Variants in NCKAP5 observed in about 807,000 individuals in gnomAD.
NCKAP5 encodes the protein nck-associated protein 5.
NCKAP5 carries 92 observed loss-of-function variants against 167.0 expected under a neutral mutation model. That is an observed-to-expected ratio of 0.55 (90% CI 0.47 to 0.66). The LOEUF is 0.66. NCKAP5 is among the 30% of genes least tolerant of loss of function. The probability of loss-of-function intolerance (pLI) is 0.00; values close to 1 mark genes in which losing one functional copy is unlikely to be tolerated. For missense variants in NCKAP5, 2,378 were observed against 2,315.0 expected (o/e 1.03, Z -0.56); for synonymous variants, 891 against 877.4 (o/e 1.02, Z -0.27).
chr2:132,863,883 C>G (rs1358935171), intron 10 of NCKAP5, among the ~76,000 whole-genome samples: 1 of 152,218 alleles, frequency 6.6e-6, no homozygotes, highest in Non-Finnish European at 1.5e-5. Flanking sequence ...TAAACACAAT[C>G]AGAATGGATA....
chr2:132,782,158 T>C lies in NCKAP5; in HGVS notation c.4653A>G (p.Arg1551=), dbSNP rs776944799. The part of the protein sequence containing the change: ...GFGNRQLKSE[R]KKEKKKPELQ... ...GTTCAGGCTTCTTTTTCTCTTTTTT[T>C]CTTTCTGATTTTAGTTGTCTGTTTC... Residue 1551 remains arginine, a synonymous_variant, in exon 14 of 20, where the codon AGA becomes AGG. Coordinates refer to ENST00000409261, the MANE Select transcript of NCKAP5 (RefSeq NM_207363.3). The C allele has an allele frequency of 3.0e-5, 49 of 1,609,262 alleles. No individual in the cohort carries two copies. The South Asian group carries it at 3.6e-4, about 12-fold the overall frequency.
chr2:132,895,825 A>C (rs1000616002), intron 8 of NCKAP5, among the ~76,000 whole-genome samples: 2 of 146,668 alleles, frequency 1.4e-5, no homozygotes, highest in East Asian at 1.9e-4. Context: ...TCAAAAAAAA[A>C]AAAAAAAACA....
At chr2:133,567,668 T>TGTGTGTGTGC (rs1445830970) in intron 1 of NCKAP5, among the ~76,000 whole-genome samples, 1 of 114,260 alleles carries the variant, frequency 8.8e-6, no homozygotes, top group Non-Finnish European at 2.0e-5. Context: ...TGTGTGTGTG[T>TGTGTGTGTGC]GTGTGTGTGT....
At chr2:133,213,862 G>T in intron 4 of NCKAP5, 83 bp from the exon 5 acceptor site, 1 of 1,325,798 alleles carries the variant, frequency 7.5e-7, no homozygotes, top group Non-Finnish European at 1.1e-6. Context: ...TTCTTTTGAG[G>T]TCTCTAGAGG....
At chr2:132,840,368 C>A (rs570943356) in intron 11 of NCKAP5, among the ~76,000 whole-genome samples, 1 of 151,496 alleles carries the variant, frequency 6.6e-6, no homozygotes, top group African/African-American at 2.4e-5. Context: ...CTCCACCTCC[C>A]GGGTTCAAGC....
intron 3 of NCKAP5, among the ~76,000 whole-genome samples, chr2:133,414,244 C>A (rs770622101): frequency 6.6e-6 from 1 of 152,116 alleles, no homozygotes; most frequent in Non-Finnish European, 1.5e-5. Context: ...ATTGGAAATA[C>A]CTAGACACAA....
Position 133,313,883 on chromosome 2 carries a change from A to G in NCKAP5, c.70-10773T>C, listed in dbSNP as rs1362673913. ...AAAGTCTTAGGACCCCAGCTACTCT[A>G]CATGAAAGAATTTGGCCATGGAAAG... On this transcript the variant is annotated intron_variant, in intron 3 of 19. Transcript: ENST00000409261. Among the ~76,000 whole-genome samples, 4 of 152,192 alleles carry G rather than the reference A, an allele frequency of 2.6e-5. No homozygotes were observed. The East Asian group carries it at 5.8e-4, about 22-fold the overall frequency.
At chr2:132,748,044 T>C (rs189627703) in intron 16 of NCKAP5, among the ~76,000 whole-genome samples, 1 of 152,320 alleles carries the variant, frequency 6.6e-6, no homozygotes, top group African/African-American at 2.4e-5. Flanking sequence ...AGTGCAGAAT[T>C]AGAACAAGCT....
chr2:132,968,697 A>G (rs1290754283), intron 7 of NCKAP5, among the ~76,000 whole-genome samples: 2 of 152,220 alleles, frequency 1.3e-5, no homozygotes, highest in African/African-American at 2.4e-5. Context: ...GAGCTGTTTG[A>G]CTAAAGTGTG....
chr2:132,884,072 T>C (rs186355418), intron 8 of NCKAP5, among the ~76,000 whole-genome samples: 2 of 152,198 alleles, frequency 1.3e-5, no homozygotes, highest in African/African-American at 4.8e-5. Context: ...ACACTGTTTC[T>C]TCTTCAGGTT....
chr2:132,884,576 G>A (rs1482751170), intron 8 of NCKAP5, among the ~76,000 whole-genome samples: 1 of 152,216 alleles, frequency 6.6e-6, no homozygotes, highest in Non-Finnish European at 1.5e-5. Context: ...CAATCTAAAA[G>A]CGATTTCCAG....
the NCKAP5 span, among the ~76,000 whole-genome samples, chr2:133,607,788 C>T: frequency 6.6e-6 from 1 of 152,156 alleles, no homozygotes. Flanking sequence ...AAGTATGATT[C>T]AAACCCTGCC....
chr2:133,035,650 C>T (rs1007896809), intron 6 of NCKAP5, among the ~76,000 whole-genome samples: 1 of 151,536 alleles, frequency 6.6e-6, no homozygotes, highest in South Asian at 2.1e-4. Flanking sequence ...CAATATGACC[C>T]ATGGGATCAC....
At chr2:132,910,430 A>G (rs1694356253) in intron 8 of NCKAP5, among the ~76,000 whole-genome samples, 2 of 151,784 alleles carry the variant, frequency 1.3e-5, no homozygotes, top group Non-Finnish European at 2.9e-5. Context: ...TACCTTTCCC[A>G]GCTTCTAGTA....
chr2:133,035,257 T>G (rs1018011741), intron 6 of NCKAP5, among the ~76,000 whole-genome samples: 1 of 151,940 alleles, frequency 6.6e-6, no homozygotes, highest in Non-Finnish European at 1.5e-5. Context: ...TACCCAGATG[T>G]ATAAAGGAAA....
intron 10 of NCKAP5, among the ~76,000 whole-genome samples, chr2:132,863,722 G>GA (rs1690120909): frequency 6.6e-6 from 1 of 152,132 alleles, no homozygotes; most frequent in Non-Finnish European, 1.5e-5. Flanking sequence ...GAGCTGCTCT[G>GA]AAAATCTGTA....
intron 6 of NCKAP5, among the ~76,000 whole-genome samples, chr2:133,005,004 G>A (rs766203481): frequency 1.8e-4 from 27 of 152,130 alleles, no homozygotes; most frequent in Non-Finnish European, 3.2e-4. Flanking sequence ...AGACCTTATG[G>A]TTATCTCCCT....
intron 5 of NCKAP5, among the ~76,000 whole-genome samples, chr2:133,183,813 T>C (rs1383863601): frequency 6.6e-6 from 1 of 152,096 alleles, no homozygotes; most frequent in African/African-American, 2.4e-5. Context: ...ATTGTCTATA[T>C]AAAAAATCCC....
chr2:133,384,668 T>C (rs992425256), intron 3 of NCKAP5, among the ~76,000 whole-genome samples: 1 of 152,254 alleles, frequency 6.6e-6, no homozygotes, highest in African/African-American at 2.4e-5. Context: ...TTTCACAATA[T>C]TGATTCTTCC....
Sources: gnomAD v4.1 joint callset for allele counts (sites outside exome capture counted in the v4.1 genomes callset) on GRCh38, gnomAD v4.1.1 for gene constraint, MANE v1.5 for transcripts, NCBI Gene and HGNC (gene_info 2026-07-23, HGNC 2026-07-21) for gene names.